The following PRELID3A variants were observed in gnomAD, a reference collection of about 807,000 sequenced individuals.
PRELID3A encodes PRELI domain containing 3A.
PRELID3A carries 27 observed loss-of-function variants against 23.0 expected under a neutral mutation model. The ratio of observed to expected loss-of-function variants is 1.17; its 90% CI spans 0.87 to 1.62. PRELID3A has a LOEUF of 1.62. Among genes scored for constraint, PRELID3A ranks in the 40% most tolerant of loss-of-function variants. The pLI is 0.00. For synonymous variants in PRELID3A, 87 were observed against 86.4 expected, an observed-to-expected ratio of 1.01 and a Z score of -0.04; for missense variants, 231 against 231.4, an observed-to-expected ratio of 1.00 and a Z score of 0.01.
Position 12,425,258 on chromosome 18 carries a change from G to A in PRELID3A, c.292-1783G>A, listed in dbSNP as rs1010726817. On this transcript the variant is annotated intron_variant, in intron 3 of 6. Coordinates refer to ENST00000440960, the MANE Select transcript of PRELID3A (RefSeq NM_001142405.2). ...GCTACCATATCAGACAGCATGCATA[G>A]GACATTACTGTTAGCACAGAAAATT... 3.0e-4 allele frequency among the ~76,000 whole-genome samples: 45 copies of A among 152,276 alleles called. No individual in the cohort carries two copies. In the East Asian group the frequency reaches 5.2e-3, roughly 18 times the overall value.
At chr18:12,409,849 G>A (rs117741206) in intron 1 of PRELID3A, among the ~76,000 whole-genome samples, 2,091 of 152,084 alleles carry the variant, frequency 0.014, 23 homozygotes, top group Non-Finnish European at 0.02. Flanking sequence ...AAGCTTTACC[G>A]AAGGATACTT....
rs28678625 is a variant in PRELID3A, at chr18:12,421,164, T to C, written c.202-376T>C. ...GCCTCTCAGTCAGCCCAGCTCCTGC[T>C]GCAGGGGCCTGCACCTGCTGCCCCC... On this transcript the variant is annotated intron_variant, in intron 2 of 6. Transcript: ENST00000440960. 316 of 205,846 alleles carry C rather than the reference T, an allele frequency of 1.5e-3. 3 individuals are homozygous for C. Among genetic ancestry groups the C allele is most frequent in the African/African-American group, 7.1e-3 (302 of 42,768 alleles). The allele number at this position is 205,846 out of a possible 1,614,324, so 12.8% of individuals were successfully genotyped here.
At chr18:12,410,220 C>T (rs748327349) in intron 1 of PRELID3A, among the ~76,000 whole-genome samples, 2 of 152,214 alleles carry the variant, frequency 1.3e-5, no homozygotes, top group East Asian at 1.9e-4. Context: ...CGCCGGGGCC[C>T]GGCGCCTAGC....
At chr18:12,408,029 C>T in intron 1 of PRELID3A, 22 bp downstream of exon 1, 1 of 1,257,138 alleles carries the variant, frequency 8.0e-7, no homozygotes, top group Non-Finnish European at 1.0e-6. Context: ...CTGAGGGCCG[C>T]GGTGGGGCCG....
At chr18:12,408,268 G>GGCCCC (rs1325745407) in intron 1 of PRELID3A, among the ~76,000 whole-genome samples, 1 of 151,628 alleles carries the variant, frequency 6.6e-6, no homozygotes, top group Non-Finnish European at 1.5e-5. Context: ...CAGGCACAGA[G>GGCCCC]GCCCCGCTGG....
At chr18:12,416,156 A>G (rs1056010082) in intron 1 of PRELID3A, among the ~76,000 whole-genome samples, 2 of 152,228 alleles carry the variant, frequency 1.3e-5, no homozygotes, top group African/African-American at 4.8e-5. Flanking sequence ...AACTGCTGCC[A>G]TTAGTGCCTG....
rs987970267 is a variant in PRELID3A at position 12,431,931 on chromosome 18, C to A, written c.*815C>A. On this transcript the variant is annotated 3_prime_UTR_variant, in exon 7 of 7. Coordinates refer to ENST00000440960, the MANE Select transcript of PRELID3A (RefSeq NM_001142405.2). Reference sequence around the variant, plus strand: ...CCTCATAGTATCCAAGGTTTGAGTTCCTGTTTTTCGCCTTATAGTTTTGTG... The same window carrying A: ...CCTCATAGTATCCAAGGTTTGAGTTACTGTTTTTCGCCTTATAGTTTTGTG... 2.0e-5 allele frequency: 3 copies of A among 152,216 alleles called. No homozygotes were observed. Among genetic ancestry groups the A allele is most frequent in the Non-Finnish European group, 4.4e-5 (3 of 68,054 alleles). 9.4% of individuals were successfully genotyped at this position (152,216 alleles called of 1,614,324 possible).
rs1218177557 is a variant in PRELID3A, at chr18:12,427,314, T to C, written c.456T>C (p.Asn152=). 1.2e-6 allele frequency: 2 copies of C among 1,608,188 alleles called. No homozygotes were observed. The highest frequency in any genetic ancestry group is 1.7e-6 in the Non-Finnish European group (2 of 1,174,744). ...ESLMANTISS[N]AKKGWAAIEW... is the part of the protein sequence containing the mutation. ...TAATGGCCAATACGATATCATCCAA[T>C]GCAAAGAAGGTATGTATCTCAATCC... Residue 152 remains asparagine (N), a synonymous_variant, in exon 5 of 7, where the codon AAT becomes AAC. Coordinates refer to ENST00000440960, the MANE Select transcript of PRELID3A (RefSeq NM_001142405.2).
At chr18:12,417,534 C>A (rs1236536384) in intron 1 of PRELID3A, among the ~76,000 whole-genome samples, 1 of 152,206 alleles carries the variant, frequency 6.6e-6, no homozygotes, top group Non-Finnish European at 1.5e-5. Flanking sequence ...ATGCAAAAAT[C>A]TCTCAATGTT....
intron 1 of PRELID3A, among the ~76,000 whole-genome samples, chr18:12,411,465 C>CAA (rs398059054): frequency 0.074 from 6,562 of 88,780 alleles, 676 homozygotes; most frequent in African/African-American, 0.22. Context: ...GACTCCGTCT[C>CAA]AAAAAAAAAA....
intron 5 of PRELID3A, among the ~76,000 whole-genome samples, chr18:12,427,577 C>A (rs1479938957): frequency 2.0e-5 from 3 of 152,092 alleles, no homozygotes; most frequent in Middle Eastern, 3.4e-3. Context: ...CCTCTGTAGT[C>A]CCAGCTACTC....
At chr18:12,408,800 T>G (rs1050876262) in intron 1 of PRELID3A, among the ~76,000 whole-genome samples, 1 of 152,038 alleles carries the variant, frequency 6.6e-6, no homozygotes, top group Admixed American at 6.6e-5. Flanking sequence ...GCTTAATGGG[T>G]GCAAGACACC....
rs563940585 is a variant in PRELID3A at position 12,426,471 on chromosome 18, G to C, written c.292-570G>C. ...CGGGAGGCTGAGGCAGGAGAATGGTGTGAACCCAGGAGGCAGAGCTTTCAG... is the reference window on the plus strand; with the variant it reads ...CGGGAGGCTGAGGCAGGAGAATGGTCTGAACCCAGGAGGCAGAGCTTTCAG... On this transcript the variant is annotated intron_variant, in intron 3 of 6. Coordinates refer to ENST00000440960, the MANE Select transcript of PRELID3A (RefSeq NM_001142405.2). 3.4e-4 allele frequency among the ~76,000 whole-genome samples: 49 copies of C among 145,292 alleles called. No homozygotes were observed. The South Asian group carries it at 0.01, about 31-fold the overall frequency.
chr18:12,416,110 C>G (rs902469252), intron 1 of PRELID3A, among the ~76,000 whole-genome samples: 2 of 152,220 alleles, frequency 1.3e-5, no homozygotes, highest in Non-Finnish European at 1.5e-5. Context: ...CTGATTTCGG[C>G]AGGGGCGGGG....
At chr18:12,417,474 C>G (rs1482745957) in intron 1 of PRELID3A, among the ~76,000 whole-genome samples, 1 of 152,106 alleles carries the variant, frequency 6.6e-6, no homozygotes, top group Non-Finnish European at 1.5e-5. Context: ...GCATCCAGCC[C>G]TAAGATGCAA....
intron 5 of PRELID3A, 123 bp from the exon 6 acceptor site, chr18:12,429,227 C>A: frequency 1.3e-6 from 1 of 770,674 alleles, no homozygotes; most frequent in Non-Finnish European, 2.3e-6. Context: ...GGAAAGGTCA[C>A]TGCTGTGTCT....
intron 1 of PRELID3A, among the ~76,000 whole-genome samples, chr18:12,415,145 G>A (rs1438284586): frequency 6.6e-6 from 1 of 151,936 alleles, no homozygotes; most frequent in Non-Finnish European, 1.5e-5. Flanking sequence ...GCGCAGGCTG[G>A]TCTTGAACTC....
Position 12,407,982 on chromosome 18 carries a change from A to T in PRELID3A, c.7A>T (p.Ile3Phe). ...GCGCCCTGCGCCGGCGGCAATGAAG[A>T]TCTGGAGCTCGGAGCACGTGTTTGG... MK[I>F]WSSEHVFGHP... Residue 3 changes from isoleucine (I) to phenylalanine (F), a missense_variant, in exon 1 of 7, where the codon ATC (isoleucine) becomes TTC (phenylalanine). Transcript: ENST00000440960. The T allele has an allele frequency of 7.7e-7, 1 of 1,299,408 alleles. No individual in the cohort carries two copies. The highest frequency in any genetic ancestry group is 9.8e-7 in the Non-Finnish European group (1 of 1,024,750). 80.5% of individuals were successfully genotyped at this position (1,299,408 alleles called of 1,614,324 possible).
intron 5 of PRELID3A, among the ~76,000 whole-genome samples, chr18:12,428,237 T>C (rs2030441141): frequency 6.6e-6 from 1 of 152,140 alleles, no homozygotes; most frequent in Admixed American, 6.5e-5. Context: ...GAGGAAGAGA[T>C]TGTTCTAGGA....
Sources: gnomAD v4.1 joint callset for allele counts (sites outside exome capture counted in the v4.1 genomes callset) on GRCh38, gnomAD v4.1.1 for gene constraint, MANE v1.5 for transcripts, NCBI Gene and HGNC (gene_info 2026-07-23, HGNC 2026-07-21) for gene names.